The following ANO2 variants were observed in gnomAD, a reference collection of about 807,000 sequenced individuals.
The protein encoded by ANO2 is anoctamin 2.
ANO2 carries 101 observed loss-of-function variants against 124.2 expected under a neutral mutation model. The ratio of observed to expected loss-of-function variants is 0.81; its 90% CI spans 0.69 to 0.96. The LOEUF (loss-of-function observed/expected upper bound fraction) is 0.96, where lower values mean the gene tolerates loss of function less well. Among genes scored for constraint, ANO2 ranks in the 40% least tolerant of loss-of-function variants. The pLI is 0.00. For synonymous variants in ANO2, 486 were observed against 482.5 expected, an observed-to-expected ratio of 1.01 and a Z score of -0.09; for missense variants, 1,293 against 1,274.5, an observed-to-expected ratio of 1.01 and a Z score of -0.22.
chr12:5,879,831 C>T (rs1227858834), intron 3 of ANO2, among the ~76,000 whole-genome samples: 1 of 152,116 alleles, frequency 6.6e-6, no homozygotes, highest in African/African-American at 2.4e-5. Context: ...CCTGGGACAA[C>T]ATGCTTAAGA....
At chr12:5,871,625 G>A (rs1008688348) in intron 3 of ANO2, among the ~76,000 whole-genome samples, 2 of 152,140 alleles carry the variant, frequency 1.3e-5, no homozygotes, top group African/African-American at 4.8e-5. Flanking sequence ...CTCCTTATGA[G>A]AATTTAATGC....
intron 3 of ANO2, among the ~76,000 whole-genome samples, chr12:5,914,759 A>G (rs1376637426): frequency 6.6e-6 from 1 of 152,114 alleles, no homozygotes; most frequent in Non-Finnish European, 1.5e-5. Context: ...GTCTGCTAGG[A>G]TTTCAGGGCC....
At chr12:5,823,578 A>G (rs1239934856) in intron 7 of ANO2, among the ~76,000 whole-genome samples, 3 of 152,188 alleles carry the variant, frequency 2.0e-5, no homozygotes, top group African/African-American at 4.8e-5. Flanking sequence ...TTTGCAGGGT[A>G]CAGCCTCCCT....
At chr12:5,634,354 C>A (rs1408619653) in intron 16 of ANO2, among the ~76,000 whole-genome samples, 1 of 152,172 alleles carries the variant, frequency 6.6e-6, no homozygotes, top group Non-Finnish European at 1.5e-5. Context: ...ATCATACGTA[C>A]TATGAATGCA....
At chr12:5,770,007 T>G (rs995052695) in intron 10 of ANO2, among the ~76,000 whole-genome samples, 1 of 152,162 alleles carries the variant, frequency 6.6e-6, no homozygotes, top group Non-Finnish European at 1.5e-5. Flanking sequence ...CTACATTTAA[T>G]AGATGAGAGA....
intron 16 of ANO2, among the ~76,000 whole-genome samples, chr12:5,633,985 A>C (rs1174361813): frequency 1.3e-5 from 2 of 151,880 alleles, no homozygotes; most frequent in Non-Finnish European, 2.9e-5. Context: ...TCTCCCTCCA[A>C]AGCCTCCTGA....
intron 7 of ANO2, among the ~76,000 whole-genome samples, chr12:5,813,183 T>C (rs1459980848): frequency 2.0e-5 from 3 of 152,122 alleles, no homozygotes; most frequent in African/African-American, 7.2e-5. Flanking sequence ...TCATACAATA[T>C]TAGAAAAATA....
chr12:5,651,231 A>G (rs1297132135), intron 14 of ANO2, among the ~76,000 whole-genome samples: 1 of 152,326 alleles, frequency 6.6e-6, no homozygotes, highest in East Asian at 1.9e-4. Context: ...GATGGCTCCC[A>G]TTCTGAGCCT....
chr12:5,702,019 A>G (rs1195061583), intron 14 of ANO2, among the ~76,000 whole-genome samples: 1 of 152,218 alleles, frequency 6.6e-6, no homozygotes, highest in African/African-American at 2.4e-5. Context: ...CTAAAGACAG[A>G]AAAAAATAAA....
At chr12:5,676,746 G>A (rs904580705) in intron 14 of ANO2, among the ~76,000 whole-genome samples, 1 of 152,026 alleles carries the variant, frequency 6.6e-6, no homozygotes, top group African/African-American at 2.4e-5. Context: ...CTGTAAAGAT[G>A]ACATACAATC....
chr12:5,726,140 A>AC (rs1413603287), intron 14 of ANO2, among the ~76,000 whole-genome samples: 36 of 152,120 alleles, frequency 2.4e-4, no homozygotes, highest in Admixed American at 8.5e-4. Context: ...ATTTAGGAAA[A>AC]AAAAAAAAAA....
chr12:5,838,964 ACT>A (rs1324473358), intron 4 of ANO2, among the ~76,000 whole-genome samples: 10 of 152,238 alleles, frequency 6.6e-5, no homozygotes, highest in Non-Finnish European at 1.2e-4. Flanking sequence ...AACAAGGGAA[ACT>A]CTACTTCCTA....
chr12:5,785,698 C>A (rs1952520884), intron 10 of ANO2, among the ~76,000 whole-genome samples: 1 of 151,946 alleles, frequency 6.6e-6, no homozygotes, highest in Non-Finnish European at 1.5e-5. Context: ...CATACAAGCA[C>A]ACAGACACAG....
intron 4 of ANO2, chr12:5,839,634 ATTG>A: frequency 1.1e-5 from 5 of 455,920 alleles, no homozygotes; most frequent in Non-Finnish European, 2.2e-5. Context: ...TTGGTGGTTG[ATTG>A]TGGTAAGCCC....
intron 14 of ANO2, among the ~76,000 whole-genome samples, chr12:5,715,815 A>C (rs138305249): frequency 1.3e-5 from 2 of 152,362 alleles, no homozygotes; most frequent in South Asian, 2.1e-4. Context: ...AGCTTCTGGT[A>C]ATCTATCCAC....
intron 3 of ANO2, among the ~76,000 whole-genome samples, chr12:5,885,202 G>A (rs1464322677): frequency 6.6e-6 from 1 of 152,224 alleles, no homozygotes; most frequent in Non-Finnish European, 1.5e-5. Context: ...AACACACTGG[G>A]TGGCCCCTGA....
intron 3 of ANO2, among the ~76,000 whole-genome samples, chr12:5,868,646 T>C (rs1284090539): frequency 1.3e-5 from 2 of 152,226 alleles, no homozygotes; most frequent in African/African-American, 4.8e-5. Flanking sequence ...TAGAAAAAGC[T>C]GGCTCCTGGG....
At chr12:5,621,875 G>A (rs986219540) in intron 16 of ANO2, among the ~76,000 whole-genome samples, 2 of 152,100 alleles carry the variant, frequency 1.3e-5, no homozygotes, top group African/African-American at 4.8e-5. Flanking sequence ...GAGGAGGGAT[G>A]AAAGGAAAGG....
intron 3 of ANO2, among the ~76,000 whole-genome samples, chr12:5,872,190 G>A (rs577593621): frequency 5.9e-5 from 9 of 152,070 alleles, no homozygotes; most frequent in East Asian, 3.9e-4. Flanking sequence ...ATAGGATCGC[G>A]CACCTGCTCT....
Sources: allele counts gnomAD v4.1 joint callset (sites outside exome capture counted in the v4.1 genomes callset), GRCh38; gene constraint gnomAD v4.1.1; transcripts MANE v1.5; gene names NCBI Gene and HGNC (gene_info 2026-07-23, HGNC 2026-07-21).